CFAP20DC: variants seen among roughly 807,000 people sequenced by gnomAD.
CFAP20DC encodes CFAP20 domain containing, also known as protein CFAP20DC.
CFAP20DC carries 84 observed loss-of-function variants against 101.7 expected under a neutral mutation model. The observed-to-expected ratio is 0.83, with a 90% CI of 0.69 to 0.99. The LOEUF is 0.99. CFAP20DC is among the 50% of genes least tolerant of loss of function. The pLI, the probability that CFAP20DC is intolerant of heterozygous loss-of-function variation, is 0.00. For missense variants in CFAP20DC, 1,007 were observed against 970.3 expected, an observed-to-expected ratio of 1.04 and a Z score of -0.50; for synonymous variants, 359 against 351.2, an observed-to-expected ratio of 1.02 and a Z score of -0.25.
Position 58,724,516 on chromosome 3 carries a change from C to T in CFAP20DC, c.198-6888G>A, listed in dbSNP as rs1049330587. On this transcript the variant is annotated intron_variant, in intron 3 of 3. Coordinates refer to the CFAP20DC transcript ENST00000486145. The surrounding 1 kb of genome is among the most constrained non-coding windows in gnomAD (Gnocchi z 5.6). ...TGTGGGCTCCTATTTAAGCCCGCTC[C>T]CACTAGCTACTCTCCGATAAGTTAA... Among the ~76,000 whole-genome samples, 8 of 152,134 alleles carry T rather than the reference C, an allele frequency of 5.3e-5. No individual in the cohort carries two copies. Among genetic ancestry groups the T allele is most frequent in the African/African-American group, 9.7e-5 (4 of 41,416 alleles).
At chr3:58,967,894 T>C (rs2091684971) in intron 4 of CFAP20DC, among the ~76,000 whole-genome samples, 1 of 152,200 alleles carries the variant, frequency 6.6e-6, no homozygotes, top group Non-Finnish European at 1.5e-5. Flanking sequence ...CCAGTGTCTG[T>C]TGTTTCCTTC....
chr3:58,775,023 T>C (rs1352229240), intron 15 of CFAP20DC, among the ~76,000 whole-genome samples: 1 of 152,158 alleles, frequency 6.6e-6, no homozygotes, highest in Non-Finnish European at 1.5e-5. Context: ...CTCAGTTAAC[T>C]TAGAAGGTTT....
intron 15 of CFAP20DC, among the ~76,000 whole-genome samples, chr3:58,774,800 T>C (rs1397546810): frequency 6.6e-6 from 1 of 152,242 alleles, no homozygotes; most frequent in Non-Finnish European, 1.5e-5. Context: ...GGTTTATTAA[T>C]GGTGTGTTTC....
rs750936706 is a variant in CFAP20DC, at chr3:58,742,502, A to G, written c.2403T>C (p.Cys801=). 3.7e-6 allele frequency: 6 copies of G among 1,608,206 alleles called. No individual in the cohort carries two copies. Among genetic ancestry groups the G allele is most frequent in the Non-Finnish European group, 5.1e-6 (6 of 1,177,146 alleles). Residue 801 remains cysteine, a synonymous_variant, in exon 17 of 17, where the codon TGT becomes TGC. Transcript: ENST00000482387. ...LTLLYDPCLN[C]YFDPQTGKYY... ...ATTTCCCTGTTTGGGGGTCAAAGTA[A>G]CAGTTCAGACAAGGGTCATACAACA...
chr3:58,720,227 A>G (rs2067452654), intron 3 of CFAP20DC, among the ~76,000 whole-genome samples: 1 of 152,264 alleles, frequency 6.6e-6, no homozygotes, highest in African/African-American at 2.4e-5. Context: ...TTCACTGCTC[A>G]GAGCAAGGCC....
At chr3:58,955,863 G>T (rs1387997953) in intron 4 of CFAP20DC, among the ~76,000 whole-genome samples, 1 of 151,464 alleles carries the variant, frequency 6.6e-6, no homozygotes, top group East Asian at 2.0e-4. Flanking sequence ...GCAGCAGTAG[G>T]ATAGGGCAAC....
rs781507784 is a variant in CFAP20DC at position 58,937,717 on chromosome 3, C to T, written c.324G>A (p.Thr108=). ...GNIKRRLYLS[T]VHKELSSTPL... ...GGGTGGAGGATAGTTCCTTATGGACCGTTGATAAATATAATCTTCTTTTGA... is the reference window on the plus strand; with the variant it reads ...GGGTGGAGGATAGTTCCTTATGGACTGTTGATAAATATAATCTTCTTTTGA... The change falls in exon 5 of 17, where the codon ACG becomes ACA. Residue 108 remains threonine, a synonymous_variant. Coordinates refer to ENST00000482387, the MANE Select transcript of CFAP20DC (RefSeq NM_001394063.1). The T allele has an allele frequency of 9.9e-6, 16 of 1,611,840 alleles. No individual in the cohort carries two copies. The highest frequency in any genetic ancestry group is 1.3e-5 in the Non-Finnish European group (15 of 1,178,314).
At position 58,982,046 on chromosome 3, in the gene CFAP20DC, A is replaced by C. The variant is rs557945709; in HGVS notation, c.279-44284T>G. 3.5e-3 allele frequency among the ~76,000 whole-genome samples: 536 copies of C among 152,356 alleles called. 8 individuals are homozygous for C. Among genetic ancestry groups the C allele is most frequent in the African/African-American group, 0.012 (488 of 41,578 alleles). On this transcript the variant is annotated intron_variant, in intron 4 of 16. Transcript: ENST00000482387. ...AACAACCCCATCAAAAAGTGGGTGA[A>C]GGACATGAACAGACACTTCTCAAAA...
At chr3:58,917,924 G>A (rs552185231) in intron 5 of CFAP20DC, among the ~76,000 whole-genome samples, 1 of 152,238 alleles carries the variant, frequency 6.6e-6, no homozygotes, top group African/African-American at 2.4e-5. Context: ...GAAAGGGCAA[G>A]TTTCTTGCAG....
chr3:58,969,831 A>C (rs2091843843), intron 4 of CFAP20DC, among the ~76,000 whole-genome samples: 1 of 152,184 alleles, frequency 6.6e-6, no homozygotes, highest in African/African-American at 2.4e-5. Flanking sequence ...GAAATAGGCA[A>C]ATCTAGAGAG....
Position 58,913,723 on chromosome 3 carries a change from T to C in CFAP20DC, c.535A>G (p.Thr179Ala), listed in dbSNP as rs1427992458. 1 of 1,613,592 alleles carries C rather than the reference T, an allele frequency of 6.2e-7. No individual in the cohort carries two copies. Among genetic ancestry groups the C allele is most frequent in the African/African-American group, 1.3e-5 (1 of 74,898 alleles). ...CTGAACATACCATCCTTATCAGCAG[T>C]GTCTTGTGGCTTTGATTTTAAGGTG... The part of the protein sequence containing the change: ...IFTLKSKPQD[T>A]ADKDAVYGVP... The change falls in exon 6 of 17, where the codon ACT (threonine) becomes GCT (alanine). Residue 179 changes from threonine (T) to alanine (A), a missense_variant. Coordinates refer to ENST00000482387, the MANE Select transcript of CFAP20DC (RefSeq NM_001394063.1). The surrounding 1 kb of genome is among the most constrained non-coding windows in gnomAD (Gnocchi z 4.4).
intron 3 of CFAP20DC, among the ~76,000 whole-genome samples, chr3:59,040,635 T>C (rs1481870258): frequency 6.6e-6 from 1 of 152,032 alleles, no homozygotes; most frequent in Non-Finnish European, 1.5e-5. Flanking sequence ...CTATTTTATA[T>C]TATTCCAACT....
intron 6 of CFAP20DC, among the ~76,000 whole-genome samples, chr3:58,895,544 G>A (rs2082600069): frequency 6.6e-6 from 1 of 152,162 alleles, no homozygotes; most frequent in Non-Finnish European, 1.5e-5. Context: ...ATCGCTATCA[G>A]CATTTTGTTT....
intron 6 of CFAP20DC, among the ~76,000 whole-genome samples, chr3:58,890,303 G>C (rs543553370): frequency 2.1e-5 from 3 of 141,668 alleles, no homozygotes; most frequent in East Asian, 2.2e-4. Context: ...CTGTCCGGGC[G>C]GGGGGCTGAC....
At chr3:58,754,355 G>A (rs187291376) in intron 15 of CFAP20DC, among the ~76,000 whole-genome samples, 1 of 152,244 alleles carries the variant, frequency 6.6e-6, no homozygotes, top group African/African-American at 2.4e-5. Flanking sequence ...CTTTTGAGCA[G>A]TGAAGGCAAA....
chr3:59,047,193 A>T lies in CFAP20DC; in HGVS notation c.83T>A (p.Ile28Asn), dbSNP rs1365995832. The change falls in exon 2 of 17, where the codon ATC becomes AAC. Residue 28 changes from isoleucine to asparagine, a missense_variant. Transcript: ENST00000482387. ...CCAAATCACAGATGGACTACCAAGG[A>T]TCTTCCATTTTGCTCCAGGATTTTT... ...QGKNPGAKWKILGSPSVIWKE... is the reference protein window; with the variant it reads ...QGKNPGAKWKNLGSPSVIWKE... 2.6e-6 allele frequency: 4 copies of T among 1,535,220 alleles called. No homozygotes were observed. The East Asian group carries it at 9.8e-5, about 38-fold the overall frequency.
At chr3:58,974,306 G>C (rs1414295508) in intron 4 of CFAP20DC, among the ~76,000 whole-genome samples, 1 of 151,964 alleles carries the variant, frequency 6.6e-6, no homozygotes, top group East Asian at 1.9e-4. Context: ...TCCCCTCTTT[G>C]TGTCTGTGTG....
intron 4 of CFAP20DC, among the ~76,000 whole-genome samples, chr3:58,995,959 C>T (rs2093107952): frequency 1.4e-5 from 2 of 142,144 alleles, no homozygotes; most frequent in African/African-American, 2.7e-5. Context: ...ACCACATGAG[C>T]CAATTCTGTA....
chr3:58,737,162 T>C (rs553129539), downstream of CFAP20DC: 12 of 456,616 alleles, frequency 2.6e-5, no homozygotes, highest in African/African-American at 2.0e-4. This position sits in a 1 kb window ranked among gnomAD's most constrained non-coding sequence, Gnocchi z 4.1. Context: ...ATACCTTGTT[T>C]TGGATGAAAA....
Sources: allele counts gnomAD v4.1 joint callset (sites outside exome capture counted in the v4.1 genomes callset), GRCh38; gene constraint gnomAD v4.1.1; non-coding constraint Gnocchi (gnomAD v3.1); transcripts MANE v1.5; gene names NCBI Gene and HGNC (gene_info 2026-07-23, HGNC 2026-07-21).